Variants in STK31 observed in about 807,000 individuals in gnomAD.
The protein encoded by STK31 is serine/threonine kinase 31.
A neutral mutation model predicts 129.7 loss-of-function variants in STK31; 89 were observed. The observed-to-expected ratio is 0.69, with a 90% CI of 0.58 to 0.82. STK31 has a LOEUF of 0.82. Among genes scored for constraint, STK31 ranks in the 40% least tolerant of loss-of-function variants. The probability of loss-of-function intolerance (pLI) is 0.00; values close to 1 mark genes in which losing one functional copy is unlikely to be tolerated. For missense variants in STK31, 1,187 were observed against 1,176.4 expected (o/e 1.01, Z -0.13); for synonymous variants, 448 against 395.3 (o/e 1.13, Z -1.58).
chr7:23,792,199 C>G (rs187578690), intron 22 of STK31, among the ~76,000 whole-genome samples: 4 of 152,164 alleles, frequency 2.6e-5, no homozygotes, highest in African/African-American at 9.6e-5. Flanking sequence ...ATAAAGCTGT[C>G]TTTATTTGCA....
intron 10 of STK31, among the ~76,000 whole-genome samples, chr7:23,757,892 T>C (rs1789200300): frequency 6.6e-6 from 1 of 152,174 alleles, no homozygotes; most frequent in Admixed American, 6.5e-5. Flanking sequence ...TCTGCAGTGT[T>C]TTGTGTCCGT....
intron 8 of STK31, among the ~76,000 whole-genome samples, chr7:23,742,045 T>C (rs1428984684): frequency 6.6e-6 from 1 of 152,238 alleles, no homozygotes; most frequent in Non-Finnish European, 1.5e-5. Context: ...TGTCTCAGTT[T>C]CACAGCAGCC....
chr7:23,762,058 T>A (rs558479094), intron 10 of STK31, among the ~76,000 whole-genome samples: 2 of 151,434 alleles, frequency 1.3e-5, no homozygotes, highest in African/African-American at 4.8e-5. Context: ...GACACTGTTA[T>A]AGGTAATAGA....
At chr7:23,747,654 C>T (rs1788443839) in intron 8 of STK31, among the ~76,000 whole-genome samples, 1 of 152,340 alleles carries the variant, frequency 6.6e-6, no homozygotes, top group Non-Finnish European at 1.5e-5. Flanking sequence ...AGGTGTGAGC[C>T]ACCATGCCCG....
In STK31 at chr7:23,769,620, T is replaced by A; in HGVS notation, c.1597-20T>A. On this transcript the variant is annotated intron_variant, in intron 12 of 23. Transcript: ENST00000355870. ...ATTGAATTAAATGAGATATTTCATG[T>A]GTTTATTTTTGCAAATGAGGTTTTT... 6.9e-7 allele frequency: 1 copy of A among 1,458,668 alleles called. No homozygotes were observed. The highest frequency in any genetic ancestry group is 1.2e-5 in the South Asian group (1 of 85,816). 90.4% of individuals were successfully genotyped at this position (1,458,668 alleles called of 1,614,324 possible).
intron 23 of STK31, among the ~76,000 whole-genome samples, chr7:23,822,995 A>G (rs1317908644): frequency 1.3e-5 from 2 of 152,156 alleles, no homozygotes; most frequent in Non-Finnish European, 2.9e-5. Context: ...CCAGCCTATC[A>G]TTGTTGGACA....
intron 23 of STK31, among the ~76,000 whole-genome samples, chr7:23,831,120 G>A (rs1313196635): frequency 1.3e-5 from 2 of 152,170 alleles, no homozygotes; most frequent in Non-Finnish European, 2.9e-5. Flanking sequence ...TGGGTAAAGT[G>A]TTCTGTAAAT....
chr7:23,748,907 T>G (rs1454859740), intron 8 of STK31, among the ~76,000 whole-genome samples: 1 of 152,222 alleles, frequency 6.6e-6, no homozygotes. Flanking sequence ...CCCCTAACAC[T>G]TGCTTTGTTC....
intron 22 of STK31, among the ~76,000 whole-genome samples, chr7:23,814,539 T>G (rs1029745664): frequency 6.6e-6 from 1 of 152,158 alleles, no homozygotes; most frequent in African/African-American, 2.4e-5. Flanking sequence ...AAGATATTTA[T>G]AGGTGAAATT....
chr7:23,768,920 C>CT, intron 11 of STK31, 75 bp from the exon 12 acceptor site: 1 of 1,253,386 alleles, frequency 8.0e-7, no homozygotes, highest in Non-Finnish European at 1.1e-6. Context: ...TTTTCTACCC[C>CT]TTAGATCCTA....
In STK31 at chr7:23,754,451, A is replaced by G. The variant is rs1223643393; in HGVS notation, c.1270A>G (p.Asn424Asp). The G allele has an allele frequency of 1.2e-6, 2 of 1,611,688 alleles. No homozygotes were observed. The highest frequency in any genetic ancestry group is 3.4e-5 in the Admixed American group (2 of 59,290). Reference sequence around the variant, plus strand: ...GGCAGAATACAGTCTGGCTCAGGAGAATATTAAAACTTGTGAATATGTGGT... The same window carrying G: ...GGCAGAATACAGTCTGGCTCAGGAGGATATTAAAACTTGTGAATATGTGGT... Reference protein sequence around the residue: ...IWAEYSLAQENIKTCEYVSEG... With the variant: ...IWAEYSLAQEDIKTCEYVSEG... The change falls in exon 10 of 24, where the codon AAT becomes GAT. Residue 424 changes from asparagine (N) to aspartate (D), a missense_variant. Coordinates refer to ENST00000355870, the MANE Select transcript of STK31 (RefSeq NM_031414.5).
chr7:23,752,807 A>G lies in STK31; in HGVS notation c.1108A>G (p.Lys370Glu), dbSNP rs2128093005. ...TACCAGAATGAAAAATCTGGCAGCT[A>G]AGATGGAAATACTGAAAGAAATGAG... ...IDTRMKNLAA[K>E]MEILKEMRHV... is the part of the protein sequence containing the mutation. The change falls in exon 9 of 24, where the codon AAG becomes GAG. Residue 370 changes from lysine (K) to glutamate (E), a missense_variant. Lys to Glu is a moderately conservative substitution (Grantham distance 56). Transcript: ENST00000355870. 6.2e-7 allele frequency: 1 copy of G among 1,611,876 alleles called. No homozygotes were observed. Among genetic ancestry groups the G allele is most frequent in the Non-Finnish European group, 8.5e-7 (1 of 1,178,354 alleles).
chr7:23,810,663 TATATA>T (rs1481244719), intron 22 of STK31, among the ~76,000 whole-genome samples: 2 of 131,746 alleles, frequency 1.5e-5, no homozygotes, highest in Non-Finnish European at 3.1e-5. Context: ...TATATAAAAA[TATATA>T]ATATATATAA....
rs999519739 is a variant in STK31 at position 23,717,672 on chromosome 7, A to G, written c.249+93A>G. On this transcript the variant is annotated intron_variant, in intron 4 of 23. Coordinates refer to ENST00000355870, the MANE Select transcript of STK31 (RefSeq NM_031414.5). Reference sequence around the variant, plus strand: ...GTTTTTGGAGTTCCTGGTATATTTGAAAAGAAGAGGCTGATTTTTGGAATT... The same window carrying G: ...GTTTTTGGAGTTCCTGGTATATTTGGAAAGAAGAGGCTGATTTTTGGAATT... 60 of 957,970 alleles carry G rather than the reference A, an allele frequency of 6.3e-5. 1 individual carries two copies. The South Asian group carries it at 8.3e-4, about 13-fold the overall frequency. The allele number at this position is 957,970 out of a possible 1,614,324, so 59.3% of individuals were successfully genotyped here.
At chr7:23,730,126 C>T (rs1285669189) in intron 6 of STK31, among the ~76,000 whole-genome samples, 1 of 152,096 alleles carries the variant, frequency 6.6e-6, no homozygotes, top group East Asian at 1.9e-4. Flanking sequence ...GGAATTCTAC[C>T]TCTTTTAAAA....
At chr7:23,802,130 G>T (rs924429915) in intron 22 of STK31, among the ~76,000 whole-genome samples, 2 of 152,172 alleles carry the variant, frequency 1.3e-5, no homozygotes, top group Non-Finnish European at 2.9e-5. Flanking sequence ...TATTGAACCT[G>T]AGGGGCTGCT....
chr7:23,721,354 G>C (rs1302617514), intron 4 of STK31: 3 of 779,222 alleles, frequency 3.8e-6, no homozygotes, highest in Admixed American at 4.4e-5. Context: ...GATTCAGGAA[G>C]GGGCAGCGTT....
chr7:23,742,509 G>A (rs1788108152), intron 8 of STK31, among the ~76,000 whole-genome samples: 1 of 152,186 alleles, frequency 6.6e-6, no homozygotes, highest in Admixed American at 6.5e-5. Context: ...CAATGTCTTT[G>A]TGTGATCTTT....
intron 23 of STK31, among the ~76,000 whole-genome samples, chr7:23,819,866 A>G (rs970474975): frequency 1.3e-5 from 2 of 152,194 alleles, no homozygotes; most frequent in Non-Finnish European, 2.9e-5. Flanking sequence ...AATAAATTCT[A>G]GCTCCCATAA....
Sources: allele counts gnomAD v4.1 joint callset (sites outside exome capture counted in the v4.1 genomes callset), GRCh38; gene constraint gnomAD v4.1.1; transcripts MANE v1.5; gene names NCBI Gene and HGNC (gene_info 2026-07-23, HGNC 2026-07-21).